EZH2: variants seen among roughly 807,000 people sequenced by gnomAD.
EZH2 encodes the protein enhancer of zeste 2 polycomb repressive complex 2 subunit.
In EZH2, 18 loss-of-function variants were observed where a neutral mutation model predicts 98.4. That is an observed-to-expected ratio of 0.18 (90% CI 0.13 to 0.27). The LOEUF (loss-of-function observed/expected upper bound fraction) is 0.27. EZH2 is among the 10% of genes least tolerant of loss of function. EZH2 has a pLI of 1.00. For synonymous variants in EZH2, 338 were observed against 312.3 expected, an observed-to-expected ratio of 1.08 and a Z score of -0.87; for missense variants, 470 against 935.1, an observed-to-expected ratio of 0.50 and a Z score of 6.49.
At chr7:148,847,988 T>A (rs1449686947) in intron 1 of EZH2, among the ~76,000 whole-genome samples, 1 of 152,202 alleles carries the variant, frequency 6.6e-6, no homozygotes, top group Non-Finnish European at 1.5e-5. Flanking sequence ...TCAGAACCAA[T>A]TATGTTTAAA....
At chr7:148,861,534 T>C (rs916679121) in intron 1 of EZH2, among the ~76,000 whole-genome samples, 5 of 152,186 alleles carry the variant, frequency 3.3e-5, no homozygotes, top group African/African-American at 4.8e-5. Flanking sequence ...CCCTGTTCTA[T>C]TATTTTATTG....
intron 3 of EZH2, among the ~76,000 whole-genome samples, 180 bp from the exon 4 acceptor site, chr7:148,832,930 G>T (rs1809793355): frequency 6.6e-6 from 1 of 152,014 alleles, no homozygotes. Flanking sequence ...TTTACTTAGG[G>T]TGCAAAAATG....
intron 1 of EZH2, among the ~76,000 whole-genome samples, chr7:148,855,608 A>G (rs1008957241): frequency 6.6e-6 from 1 of 152,164 alleles, no homozygotes; most frequent in East Asian, 1.9e-4. Flanking sequence ...TTAAAAAAGT[A>G]GTGGCTATCA....
Position 148,826,652 on chromosome 7 carries a change from A to C in EZH2, c.729-20T>G. 9.0e-6 allele frequency: 13 copies of C among 1,448,670 alleles called. No individual in the cohort carries two copies. Among genetic ancestry groups the C allele is most frequent in the Non-Finnish European group, 1.2e-5 (13 of 1,092,058 alleles). 89.7% of individuals were successfully genotyped at this position (1,448,670 alleles called of 1,614,324 possible). On this transcript the variant is annotated intron_variant, in intron 7 of 19. Coordinates refer to ENST00000320356, the MANE Select transcript of EZH2 (RefSeq NM_004456.5). ...TTATATCTGACATTAACCAAGAAAA[A>C]TTTAAGTAAACATGAAACAAAAATC...
intron 3 of EZH2, among the ~76,000 whole-genome samples, chr7:148,839,304 G>C (rs1473144280): frequency 1.3e-5 from 2 of 151,936 alleles, no homozygotes; most frequent in Non-Finnish European, 2.9e-5. Flanking sequence ...AAACTAAAAA[G>C]AACAAAATTA....
intron 6 of EZH2, among the ~76,000 whole-genome samples, chr7:148,827,569 CT>C (rs1299782373): frequency 6.6e-6 from 1 of 152,170 alleles, no homozygotes; most frequent in Non-Finnish European, 1.5e-5. Flanking sequence ...CCTCTTGGGT[CT>C]GTTTACTCAT....
chr7:148,811,814 T>C (rs1803159060), intron 15 of EZH2, 94 bp from the exon 16 acceptor site: 2 of 1,066,536 alleles, frequency 1.9e-6, no homozygotes, highest in Non-Finnish European at 2.8e-6. Flanking sequence ...AAGCTATCAC[T>C]GTAAATCCTC....
chr7:148,862,013 CATTGTGGATCTCGTGCTTTGATATT>C (rs1817750160), intron 1 of EZH2, among the ~76,000 whole-genome samples: 1 of 152,128 alleles, frequency 6.6e-6, no homozygotes, highest in Non-Finnish European at 1.5e-5. Context: ...CTTCTGAGGT[CATTGTGGATCTCGTGCTTTGATATT>C]ACACCAAAAC....
At chr7:148,850,175 C>A (rs1303882395) in intron 1 of EZH2, among the ~76,000 whole-genome samples, 1 of 152,036 alleles carries the variant, frequency 6.6e-6, no homozygotes, top group Non-Finnish European at 1.5e-5. Flanking sequence ...CCCGCCACCA[C>A]GCCAGGCTAA....
chr7:148,856,840 G>A (rs934012675), intron 1 of EZH2, among the ~76,000 whole-genome samples: 4 of 152,154 alleles, frequency 2.6e-5, no homozygotes, highest in African/African-American at 4.8e-5. Context: ...TGGAGGAGAA[G>A]GAACAACTCT....
intron 1 of EZH2, among the ~76,000 whole-genome samples, chr7:148,873,747 G>A (rs1819794164): frequency 6.6e-6 from 1 of 151,458 alleles, no homozygotes; most frequent in South Asian, 2.1e-4. Context: ...GGTCTCCCAA[G>A]TCCCAAATCA....
At chr7:148,867,145 G>C (rs899536931) in intron 1 of EZH2, among the ~76,000 whole-genome samples, 7 of 151,702 alleles carry the variant, frequency 4.6e-5, no homozygotes, top group Non-Finnish European at 7.4e-5. Context: ...TGGCCAACAT[G>C]GTGAAACCCT....
At chr7:148,813,460 C>T (rs2129469610) in intron 15 of EZH2, among the ~76,000 whole-genome samples, 1 of 151,302 alleles carries the variant, frequency 6.6e-6, no homozygotes, top group South Asian at 2.1e-4. Flanking sequence ...TATATAGTTC[C>T]TAGCTGGGTT....
chr7:148,866,698 A>G lies in EZH2; in HGVS notation c.-8+17466T>C, dbSNP rs572711348. Among the ~76,000 whole-genome samples, 249 of 143,228 alleles carry G rather than the reference A, an allele frequency of 1.7e-3. 1 individual carries two copies. The highest frequency in any genetic ancestry group is 6.1e-3 in the African/African-American group (224 of 36,624). The allele number at this position is 143,228 out of a possible 152,430, so 94.0% of individuals were successfully genotyped here. A position where few individuals can be genotyped will look rare whatever the true frequency, so the allele number is the denominator to read the frequency against. ...TGTACGTATATGCATATATATATAC[A>G]TATATGCATATATATATATATTTAT... On this transcript the variant is annotated intron_variant, in intron 1 of 19. Transcript: ENST00000320356.
intron 1 of EZH2, among the ~76,000 whole-genome samples, chr7:148,878,165 G>T (rs182863616): frequency 1.3e-5 from 2 of 152,062 alleles, no homozygotes; most frequent in African/African-American, 4.8e-5. Context: ...CAATTCTGTG[G>T]CATTAAATAT....
At chr7:148,813,789 T>G (rs1466366325) in intron 15 of EZH2, among the ~76,000 whole-genome samples, 170 bp downstream of exon 15, 2 of 152,182 alleles carry the variant, frequency 1.3e-5, no homozygotes, top group Admixed American at 6.6e-5. Context: ...CTGAAGAGAC[T>G]GCCCAAGGGT....
chr7:148,877,062 T>C (rs1458560891), intron 1 of EZH2, among the ~76,000 whole-genome samples: 1 of 152,130 alleles, frequency 6.6e-6, no homozygotes, highest in African/African-American at 2.4e-5. Context: ...GAATATCAAT[T>C]ATTTTTTAAT....
chr7:148,858,909 GAACTTGTACTGATCAAAC>G (rs1817251936), intron 1 of EZH2, among the ~76,000 whole-genome samples: 1 of 152,172 alleles, frequency 6.6e-6, no homozygotes, highest in Non-Finnish European at 1.5e-5. Context: ...GCCACTGACT[GAACTTGTACTGATCAAAC>G]AACAAATCAA....
intron 1 of EZH2, among the ~76,000 whole-genome samples, chr7:148,883,882 G>A (rs1174582057): frequency 6.6e-6 from 1 of 151,596 alleles, no homozygotes; most frequent in Non-Finnish European, 1.5e-5. Flanking sequence ...CACCGGGAAA[G>A]GAGCCCCCCA....
Sources: gnomAD v4.1 joint callset for allele counts (sites outside exome capture counted in the v4.1 genomes callset) on GRCh38, gnomAD v4.1.1 for gene constraint, MANE v1.5 for transcripts, NCBI Gene and HGNC (gene_info 2026-07-23, HGNC 2026-07-21) for gene names.